TBCE: variants seen among roughly 807,000 people sequenced by gnomAD.
TBCE encodes the protein tubulin folding cofactor E.
TBCE carries 53 observed loss-of-function variants against 77.0 expected under a neutral mutation model. That is an observed-to-expected ratio of 0.69 (90% confidence interval 0.55 to 0.87). The LOEUF (loss-of-function observed/expected upper bound fraction) is 0.87. Ranked by LOEUF, TBCE falls within the 40% of genes least tolerant of loss-of-function variation. The pLI, the probability that TBCE is intolerant of heterozygous loss-of-function variation, is 0.00. For synonymous variants in TBCE, 235 were observed against 241.3 expected, an observed-to-expected ratio of 0.97 and a Z score of 0.24; for missense variants, 624 against 622.4, an observed-to-expected ratio of 1.00 and a Z score of -0.03.
chr1:235,402,321 C>A (rs969856977), intron 3 of TBCE, among the ~76,000 whole-genome samples: 1 of 151,966 alleles, frequency 6.6e-6, no homozygotes, highest in African/African-American at 2.4e-5. Context: ...CTCAGCCTCC[C>A]AAAATGCTGG....
At chr1:235,440,201 ACCT>A (rs1681771894) in intron 13 of TBCE, among the ~76,000 whole-genome samples, 1 of 151,982 alleles carries the variant, frequency 6.6e-6, no homozygotes, top group East Asian at 1.9e-4. Flanking sequence ...CGATCTCCTG[ACCT>A]TGTGATCCAC....
In TBCE at chr1:235,380,633, T is replaced by C. The variant is rs542299935; in HGVS notation, c.100+484T>C. On this transcript the variant is annotated intron_variant, in intron 2 of 16. Transcript: ENST00000642610. Reference sequence around the variant, plus strand: ...CAGCATTATTTTGCAATATTTCTTCTTTTTTTGATTTTGCGTATTTCTTAA... The same window carrying C: ...CAGCATTATTTTGCAATATTTCTTCCTTTTTTGATTTTGCGTATTTCTTAA... Among the ~76,000 whole-genome samples, 9 of 152,246 alleles carry C rather than the reference T, an allele frequency of 5.9e-5. No homozygotes were observed. In the South Asian group the frequency reaches 8.3e-4, roughly 14 times the overall value.
intron 12 of TBCE, among the ~76,000 whole-genome samples, chr1:235,437,960 T>A (rs1681572560): frequency 6.6e-6 from 1 of 151,800 alleles, no homozygotes; most frequent in Non-Finnish European, 1.5e-5. Context: ...CAGGAGAGAG[T>A]CCTCCACTTA....
intron 15 of TBCE, among the ~76,000 whole-genome samples, chr1:235,447,909 C>T (rs532768784): frequency 9.2e-5 from 14 of 152,160 alleles, no homozygotes; most frequent in Non-Finnish European, 1.6e-4. Flanking sequence ...GGTAAAGTGA[C>T]TTGGGTAAAA....
rs1679988634 is a variant in TBCE, at chr1:235,414,375, T to G, written c.186-58T>G. Reference sequence around the variant, plus strand: ...TTTTGAAGACCTTCAGAAAATTGTATTTATGGCCTTTCTTGGTGGGTAATA... The same window carrying G: ...TTTTGAAGACCTTCAGAAAATTGTAGTTATGGCCTTTCTTGGTGGGTAATA... On this transcript the variant is annotated intron_variant, in intron 3 of 16. Coordinates refer to ENST00000642610, the MANE Select transcript of TBCE (RefSeq NM_003193.5). 5 of 1,573,808 alleles carry G rather than the reference T, an allele frequency of 3.2e-6. No homozygotes were observed. The East Asian group carries it at 6.7e-5, about 21-fold the overall frequency.
chr1:235,427,547 C>T (rs1680797595), intron 6 of TBCE, among the ~76,000 whole-genome samples: 3 of 152,186 alleles, frequency 2.0e-5, no homozygotes, highest in Non-Finnish European at 4.4e-5. Flanking sequence ...CTCCATCTTC[C>T]CTTCTCTTTT....
chr1:235,430,491 T>C, intron 6 of TBCE: 1 of 446,014 alleles, frequency 2.2e-6, no homozygotes, highest in Admixed American at 3.5e-5. Flanking sequence ...TTTACACAGC[T>C]GATACCAAAA....
intron 6 of TBCE, chr1:235,429,550 A>T (rs1314587609): frequency 6.6e-6 from 1 of 152,188 alleles, no homozygotes; most frequent in Non-Finnish European, 1.5e-5. Flanking sequence ...CTAGCGTTTA[A>T]TTGCTGTAGG....
At chr1:235,391,342 G>C (rs1009394901) in intron 2 of TBCE, among the ~76,000 whole-genome samples, 3 of 151,672 alleles carry the variant, frequency 2.0e-5, no homozygotes, top group Non-Finnish European at 2.9e-5. Flanking sequence ...AAAATTAGCT[G>C]GGTGTGGTAG....
intron 15 of TBCE, among the ~76,000 whole-genome samples, chr1:235,445,121 CTACTT>C (rs1336058308): frequency 6.6e-6 from 1 of 152,232 alleles, no homozygotes; most frequent in Non-Finnish European, 1.5e-5. Context: ...GTAAGAATTA[CTACTT>C]TAAACTATTC....
intron 2 of TBCE, among the ~76,000 whole-genome samples, chr1:235,399,675 TAA>T (rs1298735459): frequency 6.6e-6 from 1 of 152,344 alleles, no homozygotes; most frequent in East Asian, 1.9e-4. Context: ...TTTTTTATAA[TAA>T]ACCTGTAAAT....
chr1:235,448,809 G>A lies in TBCE; in HGVS notation c.*47G>A, dbSNP rs1420799337. The A allele has an allele frequency of 1.0e-5, 14 of 1,338,166 alleles. No individual in the cohort carries two copies. Among genetic ancestry groups the A allele is most frequent in the Non-Finnish European group, 1.5e-5 (14 of 932,666 alleles). The allele number at this position is 1,338,166 out of a possible 1,614,324, so 82.9% of individuals were successfully genotyped here. A position where few individuals can be genotyped will look rare whatever the true frequency, so the allele number is the denominator to read the frequency against. ...AGACCACACTGCTTATCGTGTCTGG[G>A]GTTCACCGGAAATAAATGATTCACT... On this transcript the variant is annotated 3_prime_UTR_variant, in exon 17 of 17. Coordinates refer to ENST00000642610, the MANE Select transcript of TBCE (RefSeq NM_003193.5).
At chr1:235,435,618 T>G in intron 8 of TBCE, 127 bp from the exon 9 acceptor site, 1 of 859,834 alleles carries the variant, frequency 1.2e-6, no homozygotes, top group Admixed American at 1.9e-5. Context: ...GTTGCCCCTT[T>G]ACAGTCATAT....
intron 1 of TBCE, among the ~76,000 whole-genome samples, chr1:235,374,211 C>T (rs573375141): frequency 6.9e-6 from 1 of 145,976 alleles, no homozygotes; most frequent in East Asian, 1.9e-4. Flanking sequence ...CCTCCTCGGC[C>T]TCCCAAAGTA....
chr1:235,423,592 G>A (rs1364482222), intron 5 of TBCE: 1 of 153,748 alleles, frequency 6.5e-6, no homozygotes, highest in Non-Finnish European at 1.5e-5. Context: ...GCAGCCGAGA[G>A]GAGGCTGAGG....
intron 15 of TBCE, among the ~76,000 whole-genome samples, chr1:235,446,872 T>C (rs753924035): frequency 2.0e-5 from 3 of 151,896 alleles, no homozygotes; most frequent in African/African-American, 7.3e-5. Context: ...TTTGTAGAGA[T>C]GGGGTATCCT....
intron 2 of TBCE, among the ~76,000 whole-genome samples, chr1:235,386,953 A>ATGG (rs1252178352): frequency 7.9e-5 from 12 of 151,932 alleles, no homozygotes; most frequent in African/African-American, 2.9e-4. Context: ...GTCTTTGATG[A>ATGG]TGGTGATGTA....
At chr1:235,407,310 T>A (rs986099409) in intron 3 of TBCE, among the ~76,000 whole-genome samples, 1 of 151,476 alleles carries the variant, frequency 6.6e-6, no homozygotes, top group African/African-American at 2.4e-5. Flanking sequence ...GGTCTCAAAC[T>A]CCTGGGCTTG....
chr1:235,433,320 A>G, intron 7 of TBCE: 4 of 417,982 alleles, frequency 9.6e-6, no homozygotes, highest in African/African-American at 2.1e-5. Flanking sequence ...TCCTGGGCCA[A>G]AATGATTCTC....
Sources: allele counts gnomAD v4.1 joint callset (sites outside exome capture counted in the v4.1 genomes callset), GRCh38; gene constraint gnomAD v4.1.1; transcripts MANE v1.5; gene names NCBI Gene and HGNC (gene_info 2026-07-23, HGNC 2026-07-21).